HDDC2: variants seen among roughly 807,000 people sequenced by gnomAD.
HDDC2 encodes 5'-deoxynucleotidase HDDC2.
HDDC2 carries 25 observed loss-of-function variants against 25.5 expected under a neutral mutation model. The observed-to-expected ratio is 0.98, with a 90% CI of 0.72 to 1.37. The LOEUF (loss-of-function observed/expected upper bound fraction) is 1.37. Ranked by LOEUF, HDDC2 falls within the 40% of genes most tolerant of loss-of-function variation. The pLI is 0.00. For synonymous variants in HDDC2, 106 were observed against 89.7 expected, an observed-to-expected ratio of 1.18 and a Z score of -1.03; for missense variants, 264 against 253.1, an observed-to-expected ratio of 1.04 and a Z score of -0.29.
intron 1 of HDDC2, among the ~76,000 whole-genome samples, chr6:125,301,597 C>A (rs1315901804): frequency 6.6e-6 from 1 of 151,962 alleles, no homozygotes; most frequent in African/African-American, 2.4e-5. Context: ...GCAGTGCGGA[C>A]CTCGCGGCGC....
chr6:125,293,326 T>C (rs1430155193), intron 3 of HDDC2: 1 of 220,828 alleles, frequency 4.5e-6, no homozygotes, highest in Non-Finnish European at 9.3e-6. Context: ...AATACTGAAT[T>C]ACAAAGCTCA....
chr6:125,287,587 A>G, intron 4 of HDDC2, among the ~76,000 whole-genome samples: 1 of 152,194 alleles, frequency 6.6e-6, no homozygotes, highest in East Asian at 1.9e-4. Flanking sequence ...GTAACTGTTC[A>G]GGAGGCTGCT....
intron 3 of HDDC2, among the ~76,000 whole-genome samples, chr6:125,296,683 T>C (rs1218581350): frequency 6.6e-6 from 1 of 152,202 alleles, no homozygotes; most frequent in Non-Finnish European, 1.5e-5. Context: ...ATGACATTTA[T>C]TCCCCTGTGA....
At chr6:125,278,884 G>GA (rs1798413155) in intron 4 of HDDC2, 1 of 152,138 alleles carries the variant, frequency 6.6e-6, no homozygotes, top group African/African-American at 2.4e-5. Context: ...AAGGAAAAGT[G>GA]AAAATGACTG....
At chr6:125,287,838 G>T (rs972270031) in intron 4 of HDDC2, among the ~76,000 whole-genome samples, 3 of 152,248 alleles carry the variant, frequency 2.0e-5, no homozygotes, top group Admixed American at 6.5e-5. Flanking sequence ...GAGGGATGAG[G>T]TTTTCAGCAG....
At chr6:125,292,186 G>A (rs961352265) in intron 4 of HDDC2, among the ~76,000 whole-genome samples, 1 of 152,138 alleles carries the variant, frequency 6.6e-6, no homozygotes, top group Non-Finnish European at 1.5e-5. Flanking sequence ...TGGACTGGCT[G>A]GAAGAGAGAA....
intron 4 of HDDC2, 53 bp downstream of exon 4, chr6:125,292,788 G>T: frequency 7.8e-7 from 1 of 1,286,092 alleles, no homozygotes; most frequent in Non-Finnish European, 1.1e-6. Flanking sequence ...ACATCAGGGA[G>T]CCATATAAAT....
At chr6:125,301,689 G>A (rs1199803861) in intron 1 of HDDC2, among the ~76,000 whole-genome samples, 160 bp downstream of exon 1, 1 of 152,104 alleles carries the variant, frequency 6.6e-6, no homozygotes, top group Non-Finnish European at 1.5e-5. Flanking sequence ...CGTCGGCAAC[G>A]CGCGGCCGCA....
intron 3 of HDDC2, among the ~76,000 whole-genome samples, chr6:125,297,064 T>G (rs1798714537): frequency 6.6e-6 from 1 of 152,348 alleles, no homozygotes; most frequent in African/African-American, 2.4e-5. Context: ...ACTGGTACTT[T>G]AGAATATGAT....
intron 5 of HDDC2, 21 bp from the exon 6 acceptor site, chr6:125,276,264 G>A: frequency 6.5e-7 from 1 of 1,544,086 alleles, no homozygotes; most frequent in South Asian, 1.1e-5. Context: ...AAAGAACAGG[G>A]AAAAATACAT....
chr6:125,301,482 G>GCACACACACGCGCGCGCA (rs1412473241), intron 1 of HDDC2, among the ~76,000 whole-genome samples: 11 of 120,416 alleles, frequency 9.1e-5, no homozygotes, highest in African/African-American at 3.4e-4. Context: ...GGGGTCGTGA[G>GCACACACACGCGCGCGCA]CACACACACA....
intron 5 of HDDC2, 80 bp downstream of exon 5, chr6:125,277,022 G>A: frequency 7.0e-7 from 1 of 1,424,176 alleles, no homozygotes; most frequent in Non-Finnish European, 9.7e-7. Context: ...CCAACAGTGG[G>A]TTTCCCTAAT....
In HDDC2 at chr6:125,300,616, G is replaced by A. The variant is rs770771272; in HGVS notation, c.128C>T (p.Pro43Leu). Residue 43 changes from proline to leucine, a missense_variant, in exon 2 of 6, where the codon CCG (proline) becomes CTG (leucine). By Grantham distance (98) the Pro-to-Leu change is moderately conservative. Transcript: ENST00000398153. Reference sequence around the variant, plus strand: ...GTACATGTGATCTGAAACGCTCTCCGGCCTCTGGACATTTCTGTATACCCA... The same window carrying A: ...GTACATGTGATCTGAAACGCTCTCCAGCCTCTGGACATTTCTGTATACCCA... ...TGWVYRNVQRPESVSDHMYRM... is the reference protein window; with the variant it reads ...TGWVYRNVQRLESVSDHMYRM... 7 of 1,613,966 alleles carry A rather than the reference G, an allele frequency of 4.3e-6. No homozygotes were observed. In the African/African-American group the frequency reaches 6.7e-5, roughly 15 times the overall value.
rs116378401 is a variant in HDDC2, at chr6:125,296,846, C to T, written c.309+1868G>A. ...CCATGGGGTGTCACCAGCCAGGACT[C>T]AGCTCTTGTAGGGACAGTCGTAGGT... On this transcript the variant is annotated intron_variant, in intron 3 of 5. Coordinates refer to ENST00000398153, the MANE Select transcript of HDDC2 (RefSeq NM_016063.3). Among the ~76,000 whole-genome samples the T allele has an allele frequency of 2.9e-3, 440 of 152,318 alleles. 2 individuals are homozygous for T. The highest frequency in any genetic ancestry group is 0.01 in the African/African-American group (420 of 41,580).
At chr6:125,289,897 C>A (rs1464591175) in intron 4 of HDDC2, among the ~76,000 whole-genome samples, 2 of 152,150 alleles carry the variant, frequency 1.3e-5, no homozygotes, top group Non-Finnish European at 1.5e-5. Context: ...AGGCAAAATG[C>A]AGGTGGTGGA....
At chr6:125,295,256 A>G (rs1477791700) in intron 3 of HDDC2, among the ~76,000 whole-genome samples, 1 of 152,182 alleles carries the variant, frequency 6.6e-6, no homozygotes, top group African/African-American at 2.4e-5. Flanking sequence ...TGTTAGCAAA[A>G]TATGTCAAAA....
At chr6:125,281,214 A>G (rs543351220) in intron 4 of HDDC2, among the ~76,000 whole-genome samples, 1 of 152,362 alleles carries the variant, frequency 6.6e-6, no homozygotes, top group South Asian at 2.1e-4. Context: ...CACCAACAGC[A>G]AAGACCAAAG....
At chr6:125,299,245 T>G (rs1798758782) in intron 2 of HDDC2, among the ~76,000 whole-genome samples, 1 of 152,100 alleles carries the variant, frequency 6.6e-6, no homozygotes, top group African/African-American at 2.4e-5. Flanking sequence ...TAGCTGGGTG[T>G]GGTGGCACAC....
chr6:125,299,991 A>G (rs963333649), intron 2 of HDDC2, among the ~76,000 whole-genome samples: 5 of 152,196 alleles, frequency 3.3e-5, no homozygotes, highest in African/African-American at 7.2e-5. Context: ...ATTTTCGACC[A>G]TAACTTACAT....
Sources: gnomAD v4.1 joint callset for allele counts (sites outside exome capture counted in the v4.1 genomes callset) on GRCh38, gnomAD v4.1.1 for gene constraint, MANE v1.5 for transcripts, NCBI Gene and HGNC (gene_info 2026-07-23, HGNC 2026-07-21) for gene names.